The following STXBP4 variants were observed in gnomAD, a reference collection of about 807,000 sequenced individuals.
STXBP4 encodes the protein syntaxin-binding protein 4.
In STXBP4, 55 loss-of-function variants were observed where a neutral mutation model predicts 76.1. The observed-to-expected ratio is 0.72, with a 90% CI of 0.58 to 0.91. STXBP4 has a LOEUF of 0.91. Ranked by LOEUF, STXBP4 falls within the 40% of genes least tolerant of loss-of-function variation. The probability of loss-of-function intolerance (pLI) is 0.00; values close to 1 mark genes in which losing one functional copy is unlikely to be tolerated. For synonymous variants in STXBP4, 201 were observed against 220.2 expected (o/e 0.91, Z 0.77); for missense variants, 618 against 636.9 (o/e 0.97, Z 0.32).
At chr17:55,064,336 T>C (rs1488950169) in intron 12 of STXBP4, among the ~76,000 whole-genome samples, 1 of 151,816 alleles carries the variant, frequency 6.6e-6, no homozygotes, top group Non-Finnish European at 1.5e-5. Context: ...ATCTTGTCTG[T>C]GTCCCCTTCC....
chr17:55,185,401 A>G, the STXBP4 span, among the ~76,000 whole-genome samples: 4 of 148,052 alleles, frequency 2.7e-5, no homozygotes, highest in African/African-American at 1.0e-4. Flanking sequence ...AGTATTACAA[A>G]GCCATGGGGC....
At chr17:54,973,566 C>T (rs1044750006) in intron 1 of STXBP4, among the ~76,000 whole-genome samples, 1 of 152,156 alleles carries the variant, frequency 6.6e-6, no homozygotes, top group South Asian at 2.1e-4. Context: ...TGCATAGATA[C>T]AATAACAATA....
At position 55,118,416 on chromosome 17, in the gene STXBP4, C is replaced by T. The variant is rs920308090; in HGVS notation, c.1490-22894C>T. On this transcript the variant is annotated intron_variant, in intron 16 of 17. Transcript: ENST00000376352. ...GCCAGAACAGATTTACTTATTATAA[C>T]GAGGAGGATTGCAGACAGGATCAGC... 3.0e-4 allele frequency among the ~76,000 whole-genome samples: 45 copies of T among 151,810 alleles called. 1 individual carries two copies. Among genetic ancestry groups the T allele is most frequent in the Non-Finnish European group, 3.4e-4 (23 of 67,870 alleles).
chr17:55,150,775 G>T (rs1004923611), intron 17 of STXBP4, among the ~76,000 whole-genome samples: 2 of 152,122 alleles, frequency 1.3e-5, no homozygotes, highest in Admixed American at 1.3e-4. Flanking sequence ...CAGAATAATG[G>T]CCCTCAAAAA....
intron 4 of STXBP4, among the ~76,000 whole-genome samples, chr17:54,998,727 T>C (rs1244856351): frequency 6.6e-6 from 1 of 152,196 alleles, no homozygotes; most frequent in African/African-American, 2.4e-5. Context: ...GGCTCACACC[T>C]GTAATCCGAG....
chr17:55,189,546 A>G, the STXBP4 span, among the ~76,000 whole-genome samples: 1 of 152,228 alleles, frequency 6.6e-6, no homozygotes, highest in South Asian at 2.1e-4. Flanking sequence ...CCTAGATCTC[A>G]GAGACGAAGT....
intron 17 of STXBP4, among the ~76,000 whole-genome samples, chr17:55,146,438 G>A (rs749494362): frequency 7.2e-5 from 11 of 152,156 alleles, no homozygotes; most frequent in Admixed American, 1.3e-4. Context: ...GAGGCCGGGC[G>A]TGGTGGCTGA....
the STXBP4 span, among the ~76,000 whole-genome samples, chr17:55,185,239 T>TCTCCTTCTCCTTCTC: frequency 4.3e-5 from 2 of 46,354 alleles, no homozygotes; most frequent in Admixed American, 1.9e-4. Context: ...TTCTTCTTCT[T>TCTCCTTCTCCTTCTC]CTTCTTCTTC....
chr17:55,192,816 G>A, the STXBP4 span, among the ~76,000 whole-genome samples: 1 of 152,144 alleles, frequency 6.6e-6, no homozygotes, highest in South Asian at 2.1e-4. Context: ...GTGAAGGCTG[G>A]ATTCAAACCT....
chr17:55,090,087 G>A (rs1314335651), intron 16 of STXBP4, among the ~76,000 whole-genome samples: 1 of 152,096 alleles, frequency 6.6e-6, no homozygotes, highest in Admixed American at 6.6e-5. Context: ...CTGGCAGGAG[G>A]ACACTCTTAA....
At chr17:55,094,706 T>C (rs1343267177) in intron 16 of STXBP4, among the ~76,000 whole-genome samples, 3 of 152,164 alleles carry the variant, frequency 2.0e-5, no homozygotes, top group Non-Finnish European at 2.9e-5. Flanking sequence ...ACTAATCAAC[T>C]ATTGGATATT....
At position 55,031,225 on chromosome 17, in the gene STXBP4, C is replaced by CAAGT; in HGVS notation, c.726_729dup (p.Gln244SerfsTer28). 2.5e-6 allele frequency: 4 copies of CAAGT among 1,613,176 alleles called. No individual in the cohort carries two copies. The highest frequency in any genetic ancestry group is 3.4e-6 in the Non-Finnish European group (4 of 1,179,384). On this transcript the variant is annotated frameshift_variant, in exon 9 of 18. Transcript: ENST00000376352. LOFTEE classifies it high-confidence loss of function. ...GGAACAACACCAAGCCCTGAGACAG[C>CAAGT]AAGTACAAGCAGACTCAAAAGGGAC... is the stretch of plus-strand genomic sequence containing the variant.
intron 13 of STXBP4, among the ~76,000 whole-genome samples, chr17:55,075,811 G>T (rs12937395): frequency 1.3e-5 from 2 of 152,110 alleles, no homozygotes; most frequent in Non-Finnish European, 2.9e-5. Context: ...TAGCTCATGA[G>T]AGCTGATTGC....
intron 7 of STXBP4, among the ~76,000 whole-genome samples, chr17:55,002,979 T>C (rs2077944599): frequency 1.3e-5 from 2 of 152,340 alleles, no homozygotes; most frequent in South Asian, 4.1e-4. Flanking sequence ...AATTCTTGAT[T>C]CAATTTTATG....
In STXBP4 at chr17:55,034,236, A is replaced by G. The variant is rs367577647; in HGVS notation, c.832A>G (p.Ile278Val). 24 of 1,611,688 alleles carry G rather than the reference A, an allele frequency of 1.5e-5. No homozygotes were observed. The highest frequency in any genetic ancestry group is 1.8e-5 in the Non-Finnish European group (21 of 1,178,596). ...LDEVNVGAHEISNILDSQLLP... is the reference protein window; with the variant it reads ...LDEVNVGAHEVSNILDSQLLP... Reference sequence around the variant, plus strand: ...TGAAGTAAATGTTGGTGCACATGAAATTTCCAATATATTAGATTCACAGGT... The same window carrying G: ...TGAAGTAAATGTTGGTGCACATGAAGTTTCCAATATATTAGATTCACAGGT... Residue 278 changes from isoleucine (I) to valine (V), a missense_variant, in exon 10 of 18, where the codon ATT becomes GTT. Transcript: ENST00000376352.
rs34509875 is a variant in STXBP4, at chr17:55,052,950, TGG to T, written c.1011+5798_1011+5799del. ...GTGTGTGTGTGTGTGTGTGTGTGTG[TGG>T]GTTGTATTCTTTAGAAATGTCAATG... On this transcript the variant is annotated intron_variant, in intron 12 of 17. Transcript: ENST00000376352. Among the ~76,000 whole-genome samples the T allele has an allele frequency of 5.9e-4, 79 of 133,508 alleles. 1 individual carries two copies. Among genetic ancestry groups the T allele is most frequent in the Admixed American group, 1.5e-3 (19 of 13,012 alleles). 87.6% of individuals were successfully genotyped at this position (133,508 alleles called of 152,430 possible).
chr17:54,989,356 A>G (rs908503815), intron 3 of STXBP4, among the ~76,000 whole-genome samples: 40 of 152,306 alleles, frequency 2.6e-4, no homozygotes, highest in Admixed American at 9.1e-4. Context: ...CGGCCTCCCA[A>G]AGTGCTGGGA....
At chr17:55,206,525 T>A in the STXBP4 span, among the ~76,000 whole-genome samples, 1 of 152,198 alleles carries the variant, frequency 6.6e-6, no homozygotes, top group East Asian at 1.9e-4. Context: ...TCTTTCCTCC[T>A]ACCGTTGTTG....
At chr17:54,991,280 G>A (rs1041259391) in intron 4 of STXBP4, 1 of 158,466 alleles carries the variant, frequency 6.3e-6, no homozygotes, top group African/African-American at 2.4e-5. Context: ...ACTACTTTGA[G>A]TTTTTATTAA....
Sources: allele counts gnomAD v4.1 joint callset (sites outside exome capture counted in the v4.1 genomes callset), GRCh38; gene constraint gnomAD v4.1.1; transcripts MANE v1.5; gene names NCBI Gene and HGNC (gene_info 2026-07-23, HGNC 2026-07-21).